The following LYZL4 variants were observed in gnomAD, a reference collection of about 807,000 sequenced individuals.
The protein encoded by LYZL4 is lysozyme-like protein 4.
In LYZL4, 13 loss-of-function variants were observed where a neutral mutation model predicts 17.6. The observed-to-expected ratio is 0.74, with a 90% CI of 0.48 to 1.18. The LOEUF is 1.18. LYZL4 is among the 50% of genes most tolerant of loss of function. The pLI, the probability that LYZL4 is intolerant of heterozygous loss-of-function variation, is 0.00. For missense variants in LYZL4, 174 were observed against 188.2 expected, an observed-to-expected ratio of 0.92 and a Z score of 0.44; for synonymous variants, 64 against 67.7, an observed-to-expected ratio of 0.95 and a Z score of 0.27.
downstream of LYZL4, among the ~76,000 whole-genome samples, chr3:42,393,014 G>A (rs1236010648): frequency 1.3e-5 from 2 of 152,022 alleles, no homozygotes; most frequent in Non-Finnish European, 2.9e-5. Context: ...CTCCAGTAGT[G>A]GTGGAAAAAT....
At position 42,409,279 on chromosome 3, in the gene LYZL4, A is replaced by G. The variant is rs546150753; in HGVS notation, c.-93+1138T>C. Among the ~76,000 whole-genome samples, 7 of 152,340 alleles carry G rather than the reference A, an allele frequency of 4.6e-5. No homozygotes were observed. In the East Asian group the frequency reaches 1.3e-3, roughly 29 times the overall value. ...TTGATTTGAAGAGTAAGTGAATTAA[A>G]TATGCACAGCACTAGATTTTACTTG... On this transcript the variant is annotated intron_variant, in intron 1 of 4. Coordinates refer to ENST00000287748, the MANE Select transcript of LYZL4 (RefSeq NM_144634.4).
chr3:42,377,255 C>T, the LYZL4 span, among the ~76,000 whole-genome samples: 2 of 152,114 alleles, frequency 1.3e-5, no homozygotes, highest in Non-Finnish European at 2.9e-5. Context: ...GTCAACTTGA[C>T]TATACAATCT....
At chr3:42,365,099 A>G in the LYZL4 span, among the ~76,000 whole-genome samples, 1 of 152,212 alleles carries the variant, frequency 6.6e-6, no homozygotes, top group South Asian at 2.1e-4. Flanking sequence ...AGATTTAAGG[A>G]CATAATCAGA....
chr3:42,388,416 G>A, the LYZL4 span, among the ~76,000 whole-genome samples: 2 of 152,210 alleles, frequency 1.3e-5, no homozygotes, highest in South Asian at 2.1e-4. Flanking sequence ...GTGAGCAACA[G>A]CACAGACACA....
chr3:42,409,693 T>A (rs1698829040), intron 1 of LYZL4, among the ~76,000 whole-genome samples: 1 of 152,170 alleles, frequency 6.6e-6, no homozygotes. Flanking sequence ...TACTACATAC[T>A]CCTCTCTGTT....
rs780110181 is a variant in LYZL4 at position 42,406,877 on chromosome 3, A to G, written c.261T>C (p.His87=). ...QMRGSDWCGD[H]GRNRCHMSCS... is the part of the protein sequence containing the mutation. Reference sequence around the variant, plus strand: ...ATGACATATGGCAGCGGTTCCTGCCATGGTCGCCACACCAGTCACTGCCAC... The same window carrying G: ...ATGACATATGGCAGCGGTTCCTGCCGTGGTCGCCACACCAGTCACTGCCAC... The change falls in exon 3 of 5, where the codon CAT becomes CAC. Residue 87 remains histidine, a synonymous_variant. Transcript: ENST00000287748. The G allele has an allele frequency of 6.2e-7, 1 of 1,614,230 alleles. No homozygotes were observed. The highest frequency in any genetic ancestry group is 1.7e-5 in the Admixed American group (1 of 60,034).
intron 4 of LYZL4, among the ~76,000 whole-genome samples, chr3:42,399,719 A>G (rs948001396): frequency 3.3e-5 from 5 of 152,168 alleles, no homozygotes; most frequent in African/African-American, 1.2e-4. Context: ...TTCATTTTTA[A>G]AGATAATAAA....
the LYZL4 span, among the ~76,000 whole-genome samples, chr3:42,380,967 T>C: frequency 6.6e-6 from 1 of 152,228 alleles, no homozygotes; most frequent in Non-Finnish European, 1.5e-5. Context: ...AGTTGTGTGG[T>C]TGGGTTTGCC....
chr3:42,374,846 A>G, the LYZL4 span, among the ~76,000 whole-genome samples: 1 of 152,132 alleles, frequency 6.6e-6, no homozygotes, highest in Non-Finnish European at 1.5e-5. Context: ...TTTTTGAGAC[A>G]GGGTCTCACT....
In LYZL4 at chr3:42,407,212, C is replaced by G. The variant is rs369949370; in HGVS notation, c.40G>C (p.Val14Leu). ...AAGATGTAAGCACCACTTGGAACCA[C>G]CAGGTAGCCAAGGAGGGAGAGAACC... ...SVVLSLLGYLVVPSGAYILGR... is the reference protein window; with the variant it reads ...SVVLSLLGYLLVPSGAYILGR... The change falls in exon 2 of 5, where the codon GTG becomes CTG. Residue 14 changes from valine (V) to leucine (L), a missense_variant. Physicochemically the swap from Val to Leu is conservative, Grantham distance 32. Transcript: ENST00000287748. 6 of 1,614,056 alleles carry G rather than the reference C, an allele frequency of 3.7e-6. No homozygotes were observed. The African/African-American group carries it at 5.3e-5, about 14-fold the overall frequency.
At chr3:42,387,632 T>A in the LYZL4 span, among the ~76,000 whole-genome samples, 1 of 152,050 alleles carries the variant, frequency 6.6e-6, no homozygotes, top group Non-Finnish European at 1.5e-5. Flanking sequence ...TTGATTTCCT[T>A]TTAGACAGGT....
intron 3 of LYZL4, among the ~76,000 whole-genome samples, chr3:42,405,205 C>T (rs910250033): frequency 6.6e-6 from 1 of 152,132 alleles, no homozygotes; most frequent in Non-Finnish European, 1.5e-5. Flanking sequence ...CCTGCCACCA[C>T]GCCCGTCTAA....
the LYZL4 span, among the ~76,000 whole-genome samples, chr3:42,382,965 G>A: frequency 6.6e-6 from 1 of 152,092 alleles, no homozygotes; most frequent in Non-Finnish European, 1.5e-5. Flanking sequence ...GCTTGGCAGT[G>A]AGGGTAAAGC....
the LYZL4 span, among the ~76,000 whole-genome samples, chr3:42,376,499 T>C: frequency 1.3e-5 from 2 of 152,218 alleles, no homozygotes; most frequent in Non-Finnish European, 2.9e-5. Context: ...TCAGAATTAG[T>C]CAATTTTCTT....
the LYZL4 span, among the ~76,000 whole-genome samples, chr3:42,378,052 G>A: frequency 2.0e-5 from 3 of 152,148 alleles, no homozygotes; most frequent in South Asian, 2.1e-4. Context: ...GTTTTTTGTA[G>A]ACAAAGCCTA....
chr3:42,365,049 T>A, the LYZL4 span, among the ~76,000 whole-genome samples: 2 of 152,186 alleles, frequency 1.3e-5, no homozygotes. Flanking sequence ...ATCTTCAACA[T>A]GTCAGTGTCA....
At chr3:42,376,384 G>A in the LYZL4 span, among the ~76,000 whole-genome samples, 1 of 152,120 alleles carries the variant, frequency 6.6e-6, no homozygotes, top group African/African-American at 2.4e-5. Context: ...GCCCTTCATT[G>A]CCAGTTCCTG....
At chr3:42,395,807 C>T (rs62247327), downstream of LYZL4, among the ~76,000 whole-genome samples, 21,727 of 152,132 alleles carry the variant, frequency 0.14, 1,857 homozygotes, top group Middle Eastern at 0.19. Context: ...GTGGCTCACA[C>T]CCCTAACATT....
At chr3:42,375,846 C>T in the LYZL4 span, among the ~76,000 whole-genome samples, 1 of 152,160 alleles carries the variant, frequency 6.6e-6, no homozygotes, top group Admixed American at 6.5e-5. Context: ...ATTGGATGTT[C>T]TTTTAAGACA....
Sources: allele counts gnomAD v4.1 joint callset (sites outside exome capture counted in the v4.1 genomes callset), GRCh38; gene constraint gnomAD v4.1.1; transcripts MANE v1.5; gene names NCBI Gene and HGNC (gene_info 2026-07-23, HGNC 2026-07-21).